GUCY1A2: variants seen among roughly 807,000 people sequenced by gnomAD.
GUCY1A2 encodes the protein guanylate cyclase 1 soluble subunit alpha 2.
GUCY1A2 carries 27 observed loss-of-function variants against 63.5 expected under a neutral mutation model. The ratio of observed to expected loss-of-function variants is 0.43; its 90% confidence interval spans 0.31 to 0.59. The LOEUF is 0.59. GUCY1A2 is among the 20% of genes least tolerant of loss of function. GUCY1A2 has a pLI of 0.11. For missense variants in GUCY1A2, 768 were observed against 913.3 expected, an observed-to-expected ratio of 0.84 and a Z score of 2.05; for synonymous variants, 364 against 343.5, an observed-to-expected ratio of 1.06 and a Z score of -0.66.
chr11:106,810,077 C>A lies in GUCY1A2; in HGVS notation c.1608G>T (p.Gln536His). 1 of 1,613,452 alleles carries A rather than the reference C, an allele frequency of 6.2e-7. No individual in the cohort carries two copies. The highest frequency in any genetic ancestry group is 8.5e-7 in the Non-Finnish European group (1 of 1,179,434). ...TGCTGATTACTTGCATGGGAGTACA[C>A]TGGGCACATATGGCTGTGAAGCCAA... ...DIVGFTAICA[Q>H]CTPMQVISML... The change falls in exon 5 of 8, where the codon CAG becomes CAT. Residue 536 changes from glutamine to histidine, a missense_variant. This residue lies in a region of GUCY1A2 where 122 missense variants were observed against 238.1 expected (regional missense o/e 0.51). Coordinates refer to ENST00000526355, the MANE Select transcript of GUCY1A2 (RefSeq NM_000855.3).
intron 3 of GUCY1A2, among the ~76,000 whole-genome samples, chr11:106,953,932 GTCTA>G (rs1156662862): frequency 3.3e-5 from 5 of 152,026 alleles, no homozygotes; most frequent in Non-Finnish European, 2.9e-5. Context: ...CTAGCTATTG[GTCTA>G]TCTATTTTGT....
chr11:106,812,535 T>C (rs1858776281), intron 4 of GUCY1A2, among the ~76,000 whole-genome samples: 1 of 151,868 alleles, frequency 6.6e-6, no homozygotes, highest in Admixed American at 6.6e-5. Context: ...ACTTTAACAT[T>C]TACCATCACA....
intron 4 of GUCY1A2, among the ~76,000 whole-genome samples, chr11:106,832,596 CT>C (rs1361522781): frequency 1.3e-5 from 2 of 151,980 alleles, no homozygotes; most frequent in Admixed American, 1.3e-4. Context: ...AGAGAATGAG[CT>C]TTTTAAAAAC....
intron 1 of GUCY1A2, among the ~76,000 whole-genome samples, chr11:107,008,899 T>C (rs1861707359): frequency 6.6e-6 from 1 of 152,234 alleles, no homozygotes; most frequent in African/African-American, 2.4e-5. Flanking sequence ...AATGGAAGGA[T>C]GTTTTAGAAC....
intron 6 of GUCY1A2, among the ~76,000 whole-genome samples, chr11:106,765,894 A>G (rs1864154260): frequency 6.6e-6 from 1 of 152,156 alleles, no homozygotes; most frequent in Non-Finnish European, 1.5e-5. Flanking sequence ...CATTAAAGGC[A>G]AGTGATAAAG....
chr11:106,740,690 T>G lies in GUCY1A2; in HGVS notation c.1837-32024A>C, dbSNP rs916053342. Among the ~76,000 whole-genome samples the G allele has an allele frequency of 7.6e-4, 62 of 81,226 alleles. No individual in the cohort carries two copies. In the Middle Eastern group the frequency reaches 0.019, roughly 25 times the overall value. 53.3% of individuals were successfully genotyped at this position (81,226 alleles called of 152,430 possible). On this transcript the variant is annotated intron_variant, in intron 6 of 7. Coordinates refer to ENST00000526355, the MANE Select transcript of GUCY1A2 (RefSeq NM_000855.3). ...TGTATGTATGTATGTATGTATGTAT[T>G]TAGAGACAGAGTTTAGCTCGTTACC...
chr11:106,993,350 C>T (rs1386560138), intron 1 of GUCY1A2, among the ~76,000 whole-genome samples: 1 of 152,108 alleles, frequency 6.6e-6, no homozygotes, highest in Non-Finnish European at 1.5e-5. Context: ...CCTGTAGACA[C>T]CAATGGATCA....
intron 1 of GUCY1A2, among the ~76,000 whole-genome samples, chr11:106,989,886 G>T (rs968577447): frequency 1.3e-5 from 2 of 152,096 alleles, no homozygotes; most frequent in Non-Finnish European, 2.9e-5. Flanking sequence ...TCATAGCTAA[G>T]GTCAAGACCC....
At position 106,678,179 on chromosome 11, in the gene GUCY1A2, G is replaced by A. The variant is rs1287425110; in HGVS notation, c.*9370C>T. 13 of 197,030 alleles carry A rather than the reference G, an allele frequency of 6.6e-5. No homozygotes were observed. The highest frequency in any genetic ancestry group is 2.1e-5 in the Non-Finnish European group (2 of 95,044). 12.2% of individuals were successfully genotyped at this position (197,030 alleles called of 1,614,324 possible). A position where few individuals can be genotyped will look rare whatever the true frequency, so the allele number is the denominator to read the frequency against. On this transcript the variant is annotated 3_prime_UTR_variant, in exon 8 of 8. Transcript: ENST00000526355. ...ATTATACAGTCCTCTAGTTTATCTA[G>A]ACCTTCTTGGCTAGAGTTTGATCTA...
At chr11:106,844,235 C>G (rs1383852084) in intron 4 of GUCY1A2, among the ~76,000 whole-genome samples, 3 of 151,776 alleles carry the variant, frequency 2.0e-5, no homozygotes, top group Non-Finnish European at 2.9e-5. Context: ...AAATATGGCC[C>G]ATGCTGTCTG....
At chr11:106,848,227 ATG>A (rs138120963) in intron 4 of GUCY1A2, among the ~76,000 whole-genome samples, 24,481 of 151,628 alleles carry the variant, frequency 0.16, 2,337 homozygotes, top group East Asian at 0.28. Context: ...AACAGAATGT[ATG>A]TCAATATAAA....
chr11:106,728,226 C>T (rs1021606095), intron 6 of GUCY1A2, among the ~76,000 whole-genome samples: 21 of 152,122 alleles, frequency 1.4e-4, no homozygotes, highest in Non-Finnish European at 5.9e-5. Flanking sequence ...ATTTCCTATT[C>T]GATCTGTTAA....
intron 4 of GUCY1A2, among the ~76,000 whole-genome samples, chr11:106,891,348 T>C (rs1285504763): frequency 6.6e-6 from 1 of 152,126 alleles, no homozygotes; most frequent in Non-Finnish European, 1.5e-5. Context: ...TAGATACAAG[T>C]CTATTGTCAG....
chr11:107,006,725 C>T (rs1432340601), intron 1 of GUCY1A2, among the ~76,000 whole-genome samples: 1 of 152,164 alleles, frequency 6.6e-6, no homozygotes, highest in Non-Finnish European at 1.5e-5. Context: ...AAACACTGCC[C>T]ACACCAGGAT....
At chr11:106,905,618 A>G (rs1468065048) in intron 4 of GUCY1A2, among the ~76,000 whole-genome samples, 1 of 152,108 alleles carries the variant, frequency 6.6e-6, no homozygotes, top group Non-Finnish European at 1.5e-5. Context: ...AGAAGCCCAA[A>G]TAAGCCAAGA....
intron 5 of GUCY1A2, among the ~76,000 whole-genome samples, chr11:106,798,657 C>G (rs1000042538): frequency 1.3e-5 from 2 of 152,136 alleles, no homozygotes; most frequent in Non-Finnish European, 2.9e-5. Context: ...AAACCAAAGA[C>G]AAAAACCACA....
At chr11:106,712,927 C>T (rs1052261450) in intron 6 of GUCY1A2, among the ~76,000 whole-genome samples, 3 of 152,162 alleles carry the variant, frequency 2.0e-5, no homozygotes, top group African/African-American at 7.2e-5. Context: ...CTAATCACTA[C>T]CCTGCAGAAT....
At chr11:106,775,512 G>A (rs943018121) in intron 6 of GUCY1A2, among the ~76,000 whole-genome samples, 1 of 149,214 alleles carries the variant, frequency 6.7e-6, no homozygotes, top group Admixed American at 6.7e-5. Context: ...TAGTGTAATT[G>A]TCATGTTTTT....
chr11:106,841,154 T>C (rs1440267210), intron 4 of GUCY1A2, among the ~76,000 whole-genome samples: 3 of 151,806 alleles, frequency 2.0e-5, no homozygotes, highest in African/African-American at 7.2e-5. Context: ...GAACACATGA[T>C]CTTCTCTGCC....
Sources: allele counts gnomAD v4.1 joint callset (sites outside exome capture counted in the v4.1 genomes callset), GRCh38; gene constraint gnomAD v4.1.1; regional missense constraint gnomAD v4.1.1; transcripts MANE v1.5; gene names NCBI Gene and HGNC (gene_info 2026-07-23, HGNC 2026-07-21).